TLN2: variants seen among roughly 807,000 people sequenced by gnomAD.
TLN2 encodes the protein talin-2.
A neutral mutation model predicts 294.7 loss-of-function variants in TLN2; 118 were observed. The ratio of observed to expected loss-of-function variants is 0.40; its 90% CI spans 0.34 to 0.47. The LOEUF is 0.47. Among genes scored for constraint, TLN2 ranks in the 20% least tolerant of loss-of-function variants. The pLI, the probability that TLN2 is intolerant of heterozygous loss-of-function variation, is 0.84. For missense variants in TLN2, 3,083 were observed against 3,282.2 expected (o/e 0.94, Z 1.48); for synonymous variants, 1,431 against 1,304.5 (o/e 1.10, Z -2.09).
chr15:62,443,008 T>C (rs2035633097), intron 1 of TLN2, among the ~76,000 whole-genome samples: 1 of 152,228 alleles, frequency 6.6e-6, no homozygotes, highest in South Asian at 2.1e-4. Context: ...CCACCTCCTG[T>C]CTTCTGACTT....
At chr15:62,540,207 G>C (rs1275892587) in intron 1 of TLN2, among the ~76,000 whole-genome samples, 1 of 152,136 alleles carries the variant, frequency 6.6e-6, no homozygotes, top group Non-Finnish European at 1.5e-5. Flanking sequence ...TGGGCATGGT[G>C]ATGGGTCCTG....
chr15:62,821,401 C>T (rs947992595), intron 54 of TLN2, among the ~76,000 whole-genome samples: 2 of 152,192 alleles, frequency 1.3e-5, no homozygotes, highest in African/African-American at 4.8e-5. Context: ...CCCAGATATA[C>T]TAGGAAATAA....
chr15:62,622,391 C>T (rs1196075720), intron 3 of TLN2, among the ~76,000 whole-genome samples: 1 of 152,096 alleles, frequency 6.6e-6, no homozygotes, highest in Non-Finnish European at 1.5e-5. Context: ...TTTGGAGGGA[C>T]TCCTGTTCCA....
At chr15:62,818,632 A>G (rs2067304432) in intron 52 of TLN2, among the ~76,000 whole-genome samples, 2 of 152,194 alleles carry the variant, frequency 1.3e-5, no homozygotes, top group African/African-American at 4.8e-5. Flanking sequence ...AATCCTCAGG[A>G]CTTCTCCCAG....
chr15:62,733,348 G>A (rs779095325), intron 28 of TLN2, among the ~76,000 whole-genome samples: 1 of 152,188 alleles, frequency 6.6e-6, no homozygotes, highest in Admixed American at 6.5e-5. Context: ...TGGATGGGAA[G>A]CAAGGAAAGA....
chr15:62,724,851 T>C, intron 26 of TLN2, 125 bp from the exon 27 acceptor site: 1 of 1,251,708 alleles, frequency 8.0e-7, no homozygotes, highest in Non-Finnish European at 1.1e-6. Context: ...TTGCTTTCCT[T>C]GCTCCTCCTG....
chr15:62,440,275 G>T (rs2035483290), intron 1 of TLN2, among the ~76,000 whole-genome samples: 1 of 152,162 alleles, frequency 6.6e-6, no homozygotes, highest in East Asian at 1.9e-4. Context: ...AATTAATGCT[G>T]AGTTGAAACA....
At chr15:62,722,509 G>C in intron 26 of TLN2, 22 bp downstream of exon 26, 1 of 1,595,008 alleles carries the variant, frequency 6.3e-7, no homozygotes, top group African/African-American at 1.3e-5. Flanking sequence ...GTGTCATAGG[G>C]GTTAACTTGT....
chr15:62,715,593 CA>C (rs1236903869), intron 22 of TLN2, among the ~76,000 whole-genome samples: 2 of 152,208 alleles, frequency 1.3e-5, no homozygotes, highest in Non-Finnish European at 2.9e-5. Context: ...ATTTCTAAGA[CA>C]TGTTCAACTA....
chr15:62,655,339 C>T (rs1029634848), intron 7 of TLN2, among the ~76,000 whole-genome samples: 4 of 151,032 alleles, frequency 2.6e-5, no homozygotes, highest in African/African-American at 9.8e-5. Flanking sequence ...ATCCTGTGCA[C>T]ATAGATGTGA....
chr15:62,558,673 T>G (rs542697956), intron 1 of TLN2, among the ~76,000 whole-genome samples: 1 of 152,300 alleles, frequency 6.6e-6, no homozygotes, highest in South Asian at 2.1e-4. Context: ...TATAGCATCT[T>G]CAACAAAGAA....
intron 1 of TLN2, among the ~76,000 whole-genome samples, chr15:62,420,329 A>C (rs564640213): frequency 6.6e-6 from 1 of 152,160 alleles, no homozygotes; most frequent in Non-Finnish European, 1.5e-5. Context: ...TTTTTCAAAA[A>C]TTGACATTAT....
intron 32 of TLN2, 33 bp from the exon 33 acceptor site, chr15:62,748,316 TCA>T: frequency 1.5e-6 from 2 of 1,298,678 alleles, no homozygotes; most frequent in African/African-American, 1.5e-5. Context: ...CTGTTGATCT[TCA>T]AAAAAAAAAA....
At chr15:62,438,059 T>A (rs1482015104) in intron 1 of TLN2, among the ~76,000 whole-genome samples, 2 of 151,984 alleles carry the variant, frequency 1.3e-5, no homozygotes, top group East Asian at 3.9e-4. Context: ...TTAGAGAGGA[T>A]GTAGTGGGAT....
rs138721683 is a variant in TLN2, at chr15:62,490,228, C to T, written c.-237-99459C>T. ...ATGCGATAGATATATTAACCACTTC[C>T]CTCCCCTGGTGTTTATTTTAAAGGG... On this transcript the variant is annotated intron_variant, in intron 1 of 58. Transcript: ENST00000636159. Among the ~76,000 whole-genome samples the T allele has an allele frequency of 4.9e-3, 746 of 152,248 alleles. 7 individuals carry two copies. Among genetic ancestry groups the T allele is most frequent in the African/African-American group, 0.017 (703 of 41,528 alleles).
intron 54 of TLN2, chr15:62,829,822 C>CT (rs2068604170): frequency 6.6e-6 from 1 of 152,196 alleles, no homozygotes; most frequent in Non-Finnish European, 1.5e-5. Flanking sequence ...AGCCATCCTT[C>CT]TACTCTCTAT....
At chr15:62,615,118 C>T (rs566813571) in intron 2 of TLN2, among the ~76,000 whole-genome samples, 1 of 152,230 alleles carries the variant, frequency 6.6e-6, no homozygotes, top group South Asian at 2.1e-4. Context: ...GTTTGGGGTT[C>T]TTTACAGAGA....
intron 1 of TLN2, among the ~76,000 whole-genome samples, chr15:62,569,948 G>C (rs2043727107): frequency 6.6e-6 from 1 of 152,212 alleles, no homozygotes; most frequent in South Asian, 2.1e-4. Context: ...AATTTTGTGT[G>C]AGTTTTCCCT....
chr15:62,759,254 A>G (rs761855890), intron 37 of TLN2, among the ~76,000 whole-genome samples: 2 of 152,212 alleles, frequency 1.3e-5, no homozygotes, highest in Admixed American at 6.5e-5. Context: ...ACCTGTGCAA[A>G]CTATCCTTTC....
Sources: gnomAD v4.1 joint callset for allele counts (sites outside exome capture counted in the v4.1 genomes callset) on GRCh38, gnomAD v4.1.1 for gene constraint, MANE v1.5 for transcripts, NCBI Gene and HGNC (gene_info 2026-07-23, HGNC 2026-07-21) for gene names.